DYNC1LI2: variants seen among roughly 807,000 people sequenced by gnomAD.
The protein encoded by DYNC1LI2 is cytoplasmic dynein 1 light intermediate chain 2.
In DYNC1LI2, 19 loss-of-function variants were observed where a neutral mutation model predicts 57.8. That is an observed-to-expected ratio of 0.33 (90% CI 0.23 to 0.48). DYNC1LI2 has a LOEUF of 0.48. Among genes scored for constraint, DYNC1LI2 ranks in the 20% least tolerant of loss-of-function variants. DYNC1LI2 has a pLI of 0.99. For synonymous variants in DYNC1LI2, 256 were observed against 233.4 expected, an observed-to-expected ratio of 1.10 and a Z score of -0.88; for missense variants, 470 against 604.2, an observed-to-expected ratio of 0.78 and a Z score of 2.33.
intron 8 of DYNC1LI2, 42 bp downstream of exon 8, chr16:66,730,070 C>G (rs367817929): frequency 6.4e-7 from 1 of 1,567,312 alleles, no homozygotes; most frequent in South Asian, 1.2e-5. Flanking sequence ...CATCAGCCAC[C>G]GCGCCCGGCC....
intron 4 of DYNC1LI2, chr16:66,738,185 GAA>G (rs1266810038): frequency 1.3e-5 from 2 of 149,046 alleles, no homozygotes; most frequent in Admixed American, 1.3e-4. Flanking sequence ...TGAGCAAACT[GAA>G]AACTAACTGA....
chr16:66,745,411 T>G (rs1338991944), intron 3 of DYNC1LI2, among the ~76,000 whole-genome samples: 1 of 151,914 alleles, frequency 6.6e-6, no homozygotes, highest in Non-Finnish European at 1.5e-5. Context: ...CTTGAGTGGC[T>G]GGGATTACAG....
At chr16:66,740,126 G>GCGCC (rs879410431) in intron 4 of DYNC1LI2, among the ~76,000 whole-genome samples, 4 of 152,162 alleles carry the variant, frequency 2.6e-5, no homozygotes, top group Non-Finnish European at 5.9e-5. Context: ...GTACAAAAAA[G>GCGCC]CGCCACCTTC....
In DYNC1LI2 at chr16:66,751,092, G is replaced by T. The variant is rs2018039792; in HGVS notation, c.181+181C>A. 2.0e-5 allele frequency among the ~76,000 whole-genome samples: 3 copies of T among 152,234 alleles called. No homozygotes were observed. Among genetic ancestry groups the T allele is most frequent in the Admixed American group, 6.5e-5 (1 of 15,288 alleles). ...ACCACTACGCTCTCCAAAGAGGGCA[G>T]CATCCCACCCTCAGGCGCTGGAGGC... On this transcript the variant is annotated intron_variant, in intron 2 of 12. Coordinates refer to ENST00000258198, the MANE Select transcript of DYNC1LI2 (RefSeq NM_006141.3). The surrounding 1 kb of genome is among the most constrained non-coding windows in gnomAD (Gnocchi z 5.2).
intron 4 of DYNC1LI2, among the ~76,000 whole-genome samples, chr16:66,740,295 G>A (rs2017813495): frequency 6.6e-6 from 1 of 152,156 alleles, no homozygotes; most frequent in Non-Finnish European, 1.5e-5. Context: ...TGTTGGACTG[G>A]AAACCAGGTT....
rs1209373666 is a variant in DYNC1LI2, at chr16:66,736,039, C to T, written c.699+36G>A. 17 of 1,599,302 alleles carry T rather than the reference C, an allele frequency of 1.1e-5. 1 individual carries two copies. The highest frequency in any genetic ancestry group is 2.7e-5 in the African/African-American group (2 of 74,642). On this transcript the variant is annotated intron_variant, in intron 5 of 12. Coordinates refer to ENST00000258198, the MANE Select transcript of DYNC1LI2 (RefSeq NM_006141.3). Reference sequence around the variant, plus strand: ...TTTCAGATGGTGACTGTTCACCACCCGAACCCAGCCAAGCCAACAACCCCC... The same window carrying T: ...TTTCAGATGGTGACTGTTCACCACCTGAACCCAGCCAAGCCAACAACCCCC...
intron 4 of DYNC1LI2, among the ~76,000 whole-genome samples, chr16:66,736,913 T>A (rs1228155258): frequency 1.3e-5 from 2 of 152,344 alleles, no homozygotes; most frequent in Middle Eastern, 3.4e-3. Context: ...TTGAACTGTG[T>A]AACTTCAACA....
In DYNC1LI2 at chr16:66,729,022, C is replaced by A. The variant is rs757571481; in HGVS notation, c.1101+18G>T. 4 of 1,614,060 alleles carry A rather than the reference C, an allele frequency of 2.5e-6. No homozygotes were observed. The highest frequency in any genetic ancestry group is 3.4e-6 in the Non-Finnish European group (4 of 1,179,916). ...ATGCATGAGAAGGCCTCTGTTCTAA[C>A]CTCACTGGTCTTCTTACCTGTTGCT... On this transcript the variant is annotated intron_variant, in intron 9 of 12. Coordinates refer to ENST00000258198, the MANE Select transcript of DYNC1LI2 (RefSeq NM_006141.3).
At chr16:66,739,368 TA>T (rs1490995076) in intron 4 of DYNC1LI2, 1 of 152,226 alleles carries the variant, frequency 6.6e-6, no homozygotes, top group Non-Finnish European at 1.5e-5. Flanking sequence ...ATTCACGCTC[TA>T]AAGGAATGAC....
At chr16:66,728,282 G>A (rs1168181209) in intron 9 of DYNC1LI2, 40 bp from the exon 10 acceptor site, 1 of 1,612,546 alleles carries the variant, frequency 6.2e-7, no homozygotes, top group East Asian at 2.2e-5. Context: ...ACCAAGGCCT[G>A]CAGAGAGCAC....
In DYNC1LI2 at chr16:66,723,146, T is replaced by C; in HGVS notation, c.*576A>G. The stretch of plus-strand genomic sequence containing the variant: ...CCTAATTCCCATTTTGCTTAGTGTT[T>C]TGTTTGGAAATGCTTCTAACAATGA... On this transcript the variant is annotated 3_prime_UTR_variant, in exon 13 of 13. Transcript: ENST00000258198. 2.9e-6 allele frequency: 1 copy of C among 344,404 alleles called. No homozygotes were observed. Among genetic ancestry groups the C allele is most frequent in the South Asian group, 2.3e-5 (1 of 44,146 alleles). 21.3% of individuals were successfully genotyped at this position (344,404 alleles called of 1,614,324 possible). A position where few individuals can be genotyped will look rare whatever the true frequency, so the allele number is the denominator to read the frequency against.
chr16:66,735,100 GTTTT>G (rs71145936), intron 5 of DYNC1LI2, among the ~76,000 whole-genome samples: 4 of 134,832 alleles, frequency 3.0e-5, no homozygotes, highest in Admixed American at 2.3e-4. Context: ...AACTTTGTTT[GTTTT>G]TTTTTTCTTT....
At chr16:66,729,992 G>T in intron 8 of DYNC1LI2, 120 bp downstream of exon 8, 1 of 708,742 alleles carries the variant, frequency 1.4e-6, no homozygotes, top group Non-Finnish European at 2.2e-6. Context: ...TGTTCGCCAG[G>T]CTGGTCTCAA....
intron 4 of DYNC1LI2, among the ~76,000 whole-genome samples, chr16:66,740,566 C>T (rs1022794802): frequency 5.9e-5 from 9 of 152,196 alleles, no homozygotes; most frequent in Admixed American, 2.6e-4. Flanking sequence ...AGCTGCCCTA[C>T]GGTGTCCTCT....
rs1463465038 is a variant in DYNC1LI2 at position 66,728,218 on chromosome 16, T to G, written c.1126A>C (p.Thr376Pro). The change falls in exon 10 of 13, where the codon ACT (threonine) becomes CCT (proline). Residue 376 changes from threonine to proline, a missense_variant. Transcript: ENST00000258198. The stretch of plus-strand genomic sequence containing the variant: ...GTACTCACAGAAGCTCTCGTGGGAG[T>G]GGCTGGTTGCTTGGCAAGGAGTGAC... Reference protein sequence around the residue: ...QQSLLAKQPATPTRASESPAR... With the variant: ...QQSLLAKQPAPPTRASESPAR... The G allele has an allele frequency of 1.2e-6, 2 of 1,613,764 alleles. No homozygotes were observed. Among genetic ancestry groups the G allele is most frequent in the South Asian group, 2.2e-5 (2 of 91,064 alleles).
chr16:66,730,406 T>C (rs535898092), intron 7 of DYNC1LI2, 183 bp from the exon 8 acceptor site: 77 of 551,954 alleles, frequency 1.4e-4, no homozygotes, highest in African/African-American at 1.3e-3. Flanking sequence ...CATCAGAACA[T>C]CGCAGGTCCT....
chr16:66,730,076 C>T (rs778918758), intron 8 of DYNC1LI2, 36 bp downstream of exon 8: 14 of 1,583,270 alleles, frequency 8.8e-6, no homozygotes, highest in Admixed American at 7.1e-5. Flanking sequence ...CCACCGCGCC[C>T]GGCCCTAAAC....
At chr16:66,728,056 T>C in intron 10 of DYNC1LI2, 145 bp downstream of exon 10, 1 of 1,139,596 alleles carries the variant, frequency 8.8e-7, no homozygotes, top group Non-Finnish European at 1.2e-6. Flanking sequence ...TCTTTTATGT[T>C]TCTGGTCATG....
At chr16:66,726,762 C>T (rs1567447722) in intron 11 of DYNC1LI2, among the ~76,000 whole-genome samples, 1 of 152,180 alleles carries the variant, frequency 6.6e-6, no homozygotes, top group East Asian at 1.9e-4. Context: ...CTGCCTCTGC[C>T]TCCCGAGTAG....
Sources: gnomAD v4.1 joint callset for allele counts (sites outside exome capture counted in the v4.1 genomes callset) on GRCh38, gnomAD v4.1.1 for gene constraint, Gnocchi (gnomAD v3.1) non-coding constraint, MANE v1.5 for transcripts, NCBI Gene and HGNC (gene_info 2026-07-23, HGNC 2026-07-21) for gene names.